SYCE2: variants seen among roughly 807,000 people sequenced by gnomAD.
SYCE2 encodes central element synaptonemal complex 1.
In SYCE2, 3 loss-of-function variants were observed where a neutral mutation model predicts 27.9. The ratio of observed to expected loss-of-function variants is 0.11; its 90% CI spans 0.05 to 0.28. The LOEUF (loss-of-function observed/expected upper bound fraction) is 0.28, where lower values mean the gene tolerates loss of function less well. Ranked by LOEUF, SYCE2 falls within the 10% of genes least tolerant of loss-of-function variation. The probability of loss-of-function intolerance (pLI) is 1.00; values close to 1 mark genes in which losing one functional copy is unlikely to be tolerated. For synonymous variants in SYCE2, 85 were observed against 100.7 expected (o/e 0.84, Z 0.93); for missense variants, 207 against 263.5 (o/e 0.79, Z 1.48).
At position 12,899,833 on chromosome 19, in the gene SYCE2, G is replaced by C. The variant is rs1029398985; in HGVS notation, c.612+171C>G. 22 of 1,573,790 alleles carry C rather than the reference G, an allele frequency of 1.4e-5. No individual in the cohort carries two copies. In the African/African-American group the frequency reaches 2.7e-4, roughly 19 times the overall value. On this transcript the variant is annotated intron_variant, in intron 5 of 5. Transcript: ENST00000293695. ...CTCTTGAGAGGAGAGTGACATGGAAGCAACTCCGTCTGCTGCAGCTGACCC... is the reference window on the plus strand; with the variant it reads ...CTCTTGAGAGGAGAGTGACATGGAACCAACTCCGTCTGCTGCAGCTGACCC...
chr19:12,910,225 A>G (rs1209893607), intron 2 of SYCE2, among the ~76,000 whole-genome samples: 1 of 151,722 alleles, frequency 6.6e-6, no homozygotes, highest in East Asian at 1.9e-4. Flanking sequence ...TCACTTCTCA[A>G]CTAGGCCATA....
intron 2 of SYCE2, among the ~76,000 whole-genome samples, chr19:12,908,381 C>G (rs562765255): frequency 1.0e-3 from 149 of 149,494 alleles, no homozygotes; most frequent in African/African-American, 3.6e-3. Context: ...CTGGAGTGCA[C>G]TGGCATGATC....
At chr19:12,908,740 C>T (rs11667458) in intron 2 of SYCE2, among the ~76,000 whole-genome samples, 19,384 of 152,158 alleles carry the variant, frequency 0.13, 1,665 homozygotes, top group Non-Finnish European at 0.19. Context: ...GTGGTTAGAC[C>T]GATAGACATC....
At chr19:12,901,546 A>C (rs983006525) in intron 3 of SYCE2, among the ~76,000 whole-genome samples, 1 of 152,028 alleles carries the variant, frequency 6.6e-6, no homozygotes, top group African/African-American at 2.4e-5. Context: ...AGAAAAGAAA[A>C]ACACCAAAAA....
At chr19:12,902,111 T>C (rs1027036268) in intron 3 of SYCE2, among the ~76,000 whole-genome samples, 12 of 152,266 alleles carry the variant, frequency 7.9e-5, no homozygotes, top group Admixed American at 2.0e-4. Flanking sequence ...CAGTATTCAG[T>C]ATGGTAACAT....
intron 2 of SYCE2, among the ~76,000 whole-genome samples, chr19:12,917,994 C>T (rs1971166904): frequency 1.3e-5 from 2 of 152,060 alleles, no homozygotes; most frequent in Non-Finnish European, 2.9e-5. Context: ...CATTCTGGCC[C>T]GCCTCTAGTC....
chr19:12,899,561 G>C, intron 5 of SYCE2, 176 bp from the exon 6 acceptor site: 1 of 1,613,990 alleles, frequency 6.2e-7, no homozygotes, highest in Non-Finnish European at 8.5e-7. Context: ...TCAGGGGCCC[G>C]AAACTCTCAA....
intron 2 of SYCE2, among the ~76,000 whole-genome samples, chr19:12,911,436 T>G (rs532615949): frequency 4.6e-5 from 7 of 152,060 alleles, no homozygotes; most frequent in Non-Finnish European, 1.0e-4. Context: ...GTTTTTTTCT[T>G]TTTCTTTCTT....
intron 2 of SYCE2, among the ~76,000 whole-genome samples, chr19:12,911,734 C>T (rs999406663): frequency 1.3e-5 from 2 of 149,370 alleles, no homozygotes; most frequent in African/African-American, 4.9e-5. Context: ...TTTCCCATCT[C>T]AGCCTCCTGA....
chr19:12,916,179 C>T (rs779225438), intron 2 of SYCE2, among the ~76,000 whole-genome samples: 1 of 151,876 alleles, frequency 6.6e-6, no homozygotes, highest in Admixed American at 6.6e-5. Flanking sequence ...AAGCAATTCT[C>T]CTGCCTCAGG....
Position 12,904,633 on chromosome 19 carries a change from C to G in SYCE2, c.165G>C (p.Lys55Asn), listed in dbSNP as rs1177797523. The change falls in exon 3 of 6, where the codon AAG becomes AAC. Residue 55 changes from lysine (K) to asparagine (N), a missense_variant. Coordinates refer to ENST00000293695, the MANE Select transcript of SYCE2 (RefSeq NM_001105578.2). ...ASCQLTVLEGKSGLYFSSLDS... is the reference protein window; with the variant it reads ...ASCQLTVLEGNSGLYFSSLDS... ...CCAGAGAGGAGAAGTAGAGTCCCGA[C>G]TTCCCTTCCAGGACCGTCAGCTGGC... 1 of 1,613,860 alleles carries G rather than the reference C, an allele frequency of 6.2e-7. No individual in the cohort carries two copies. Among genetic ancestry groups the G allele is most frequent in the African/African-American group, 1.3e-5 (1 of 74,894 alleles).
At position 12,905,274 on chromosome 19, in the gene SYCE2, T is replaced by C. The variant is rs143913833; in HGVS notation, c.132-608A>G. ...TGTCTGTCCCCAAAGCCCACTGTTATTTTATGACACCAACTTGCTTCTTTG... is the reference window on the plus strand; with the variant it reads ...TGTCTGTCCCCAAAGCCCACTGTTACTTTATGACACCAACTTGCTTCTTTG... On this transcript the variant is annotated intron_variant, in intron 2 of 5. Coordinates refer to ENST00000293695, the MANE Select transcript of SYCE2 (RefSeq NM_001105578.2). Among the ~76,000 whole-genome samples the C allele has an allele frequency of 8.7e-3, 1,331 of 152,308 alleles. 19 individuals are homozygous for C. Among genetic ancestry groups the C allele is most frequent in the Admixed American group, 0.026 (396 of 15,298 alleles).
intron 1 of SYCE2, 25 bp downstream of exon 1, chr19:12,919,218 C>G: frequency 6.2e-7 from 1 of 1,610,456 alleles, no homozygotes; most frequent in Non-Finnish European, 8.5e-7. Context: ...GCCCCACGCG[C>G]GAGAAGGAAA....
intron 5 of SYCE2, 100 bp from the exon 6 acceptor site, chr19:12,899,485 G>T: frequency 6.2e-7 from 1 of 1,614,158 alleles, no homozygotes; most frequent in Non-Finnish European, 8.5e-7. Context: ...TGACATTCAC[G>T]CCCTGATCCT....
chr19:12,916,681 G>A (rs1189998435), intron 2 of SYCE2, among the ~76,000 whole-genome samples: 3 of 152,030 alleles, frequency 2.0e-5, no homozygotes, highest in Admixed American at 6.6e-5. Flanking sequence ...CTGCAGCCTC[G>A]ACCTCCCAGG....
At chr19:12,900,297 A>G in intron 4 of SYCE2, 163 bp downstream of exon 4, 1 of 1,049,568 alleles carries the variant, frequency 9.5e-7, no homozygotes, top group Non-Finnish European at 1.4e-6. Flanking sequence ...ACACCATGTT[A>G]TAGGGGATCA....
At position 12,919,247 on chromosome 19, in the gene SYCE2, T is replaced by G. The variant is rs749981875; in HGVS notation, c.11A>C (p.Gln4Pro). The part of the protein sequence containing the change: MER[Q>P]GVDVPHVKCK... ...AAGGAAACAAGCGCCGCGTACTCCCTGTCGCTCCATTCCGTATTTTCCCGC... is the reference window on the plus strand; with the variant it reads ...AAGGAAACAAGCGCCGCGTACTCCCGGTCGCTCCATTCCGTATTTTCCCGC... The change falls in exon 1 of 6, where the codon CAG (glutamine) becomes CCG (proline). Residue 4 changes from glutamine to proline, a missense_variant. Coordinates refer to ENST00000293695, the MANE Select transcript of SYCE2 (RefSeq NM_001105578.2). The G allele has an allele frequency of 6.2e-7, 1 of 1,611,372 alleles. No homozygotes were observed.
At chr19:12,919,013 C>T (rs1971192876) in intron 1 of SYCE2, among the ~76,000 whole-genome samples, 1 of 151,788 alleles carries the variant, frequency 6.6e-6, no homozygotes, top group South Asian at 2.1e-4. Context: ...GTGCCTTTCT[C>T]TACTCCGTTC....
At chr19:12,904,367 A>T in intron 3 of SYCE2, 125 bp downstream of exon 3, 1 of 1,101,658 alleles carries the variant, frequency 9.1e-7, no homozygotes, top group Non-Finnish European at 1.3e-6. Context: ...TCATAAGTGG[A>T]GGAGCTCCTG....
Sources: allele counts gnomAD v4.1 joint callset (sites outside exome capture counted in the v4.1 genomes callset), GRCh38; gene constraint gnomAD v4.1.1; transcripts MANE v1.5; gene names NCBI Gene and HGNC (gene_info 2026-07-23, HGNC 2026-07-21).